The following PTPRR variants were observed in gnomAD, a reference collection of about 807,000 sequenced individuals.
PTPRR encodes the protein receptor-type tyrosine-protein phosphatase R.
In PTPRR, 38 loss-of-function variants were observed where a neutral mutation model predicts 77.2. That is an observed-to-expected ratio of 0.49 (90% CI 0.38 to 0.65). The LOEUF is 0.65. PTPRR is among the 30% of genes least tolerant of loss of function. The pLI is 0.00. For missense variants in PTPRR, 744 were observed against 799.2 expected (o/e 0.93, Z 0.83); for synonymous variants, 299 against 283.1 (o/e 1.06, Z -0.57).
intron 2 of PTPRR, among the ~76,000 whole-genome samples, chr12:70,814,514 C>A (rs891801944): frequency 1.3e-5 from 2 of 152,162 alleles, no homozygotes. Flanking sequence ...TGTTGTTTGG[C>A]AGTTGCCAAC....
At chr12:70,755,345 T>C (rs1890534914) in intron 4 of PTPRR, among the ~76,000 whole-genome samples, 1 of 152,164 alleles carries the variant, frequency 6.6e-6, no homozygotes. Context: ...AAACACGTCT[T>C]GTAGGTGTCT....
chr12:70,656,777 T>C lies in PTPRR; in HGVS notation c.1807A>G (p.Ile603Val), dbSNP rs1411262620. The stretch of plus-strand genomic sequence containing the variant: ...TCTTCTTTCAGCTGTTGACAGCCAA[T>C]GGATGTAGCAATAAAACACCCTGTT... ...GRTGCFIATS[I>V]GCQQLKEEGV... Residue 603 changes from isoleucine (I) to valine (V), a missense_variant, in exon 13 of 14, where the codon ATT becomes GTT. Transcript: ENST00000283228. 1.9e-6 allele frequency: 3 copies of C among 1,613,902 alleles called. No homozygotes were observed. The highest frequency in any genetic ancestry group is 2.5e-6 in the Non-Finnish European group (3 of 1,179,942).
intron 8 of PTPRR, among the ~76,000 whole-genome samples, chr12:70,693,822 T>G (rs1303790987): frequency 1.3e-5 from 2 of 152,318 alleles, no homozygotes; most frequent in East Asian, 3.9e-4. Context: ...ACTGTAAACT[T>G]CTCTATACAT....
chr12:70,727,896 T>G lies in PTPRR; in HGVS notation c.1007+17922A>C, dbSNP rs572209787. Among the ~76,000 whole-genome samples the G allele has an allele frequency of 2.3e-3, 346 of 152,310 alleles. 1 individual carries two copies. The highest frequency in any genetic ancestry group is 8.0e-3 in the African/African-American group (333 of 41,576). On this transcript the variant is annotated intron_variant, in intron 6 of 13. Transcript: ENST00000283228. ...TGTATCAGTGGTAATCAAACTCTTT[T>G]CAAAGCTGGGGGCTCTTGGTTAAGA...
chr12:70,794,967 G>A (rs1019595123), intron 2 of PTPRR, among the ~76,000 whole-genome samples: 3 of 151,792 alleles, frequency 2.0e-5, no homozygotes, highest in African/African-American at 7.3e-5. Context: ...AGAGATTCAG[G>A]GTGGGACAGT....
chr12:70,717,950 G>A lies in PTPRR; in HGVS notation c.1008-16627C>T, dbSNP rs184657646. 5.3e-5 allele frequency among the ~76,000 whole-genome samples: 8 copies of A among 152,132 alleles called. No individual in the cohort carries two copies. In the East Asian group the frequency reaches 1.4e-3, roughly 26 times the overall value. ...ATTATCATATAAAACCTGATAATTG[G>A]TCAGTAATTTTCCTGTAATAATGCT... On this transcript the variant is annotated intron_variant, in intron 6 of 13. Transcript: ENST00000283228.
At chr12:70,808,972 G>T (rs934125384) in intron 2 of PTPRR, among the ~76,000 whole-genome samples, 1 of 152,028 alleles carries the variant, frequency 6.6e-6, no homozygotes, top group Non-Finnish European at 1.5e-5. Flanking sequence ...TGATTTAGTT[G>T]TTCTATGTGG....
intron 1 of PTPRR, among the ~76,000 whole-genome samples, chr12:70,918,463 A>G (rs1893806332): frequency 6.6e-6 from 1 of 152,190 alleles, no homozygotes; most frequent in Non-Finnish European, 1.5e-5. Flanking sequence ...AAAAAGTTGA[A>G]GTAGAGATGG....
chr12:70,781,385 G>A (rs180702276), intron 2 of PTPRR, among the ~76,000 whole-genome samples: 2 of 152,316 alleles, frequency 1.3e-5, no homozygotes, highest in Admixed American at 1.3e-4. Context: ...ACTGCTGGAG[G>A]TTAAGAAAAA....
intron 2 of PTPRR, among the ~76,000 whole-genome samples, chr12:70,782,739 T>C (rs1891231194): frequency 6.6e-6 from 1 of 151,924 alleles, no homozygotes; most frequent in Non-Finnish European, 1.5e-5. Flanking sequence ...CTAATGTAAA[T>C]GACGAGTTAA....
intron 2 of PTPRR, among the ~76,000 whole-genome samples, chr12:70,786,192 A>T (rs1341191917): frequency 2.0e-5 from 3 of 152,228 alleles, no homozygotes; most frequent in East Asian, 3.9e-4. Flanking sequence ...TAATCATCAC[A>T]GCCCTGACCT....
intron 1 of PTPRR, among the ~76,000 whole-genome samples, chr12:70,913,144 C>T (rs1033659460): frequency 3.3e-5 from 5 of 152,084 alleles, no homozygotes; most frequent in South Asian, 2.1e-4. Context: ...TCACATAAAG[C>T]GATTTTTAAA....
chr12:70,909,047 C>T (rs1291568807), intron 1 of PTPRR, among the ~76,000 whole-genome samples: 2 of 152,066 alleles, frequency 1.3e-5, no homozygotes, highest in African/African-American at 4.8e-5. Context: ...AACATAGTTC[C>T]CAAGTGTAAA....
chr12:70,700,004 GA>G (rs935794675), intron 7 of PTPRR, among the ~76,000 whole-genome samples: 4 of 151,072 alleles, frequency 2.6e-5, no homozygotes, highest in African/African-American at 9.7e-5. Flanking sequence ...TGCAGTTCTA[GA>G]AAAAAAAAGC....
At chr12:70,838,188 A>G (rs1171082863) in intron 2 of PTPRR, among the ~76,000 whole-genome samples, 2 of 152,144 alleles carry the variant, frequency 1.3e-5, no homozygotes, top group African/African-American at 4.8e-5. Context: ...AATGCCACAA[A>G]GCATCTTAAG....
At chr12:70,689,961 T>C (rs974531874) in intron 8 of PTPRR, among the ~76,000 whole-genome samples, 1 of 152,204 alleles carries the variant, frequency 6.6e-6, no homozygotes, top group Admixed American at 6.5e-5. Flanking sequence ...GTTGCGGCCA[T>C]GTGACTAAGT....
chr12:70,810,548 T>G (rs548019751), intron 2 of PTPRR, among the ~76,000 whole-genome samples: 1 of 152,246 alleles, frequency 6.6e-6, no homozygotes, highest in South Asian at 2.1e-4. Flanking sequence ...AAAGATCACT[T>G]TCTTGAATAC....
intron 1 of PTPRR, among the ~76,000 whole-genome samples, chr12:70,910,311 G>A (rs1311445362): frequency 6.6e-6 from 1 of 151,978 alleles, no homozygotes; most frequent in Non-Finnish European, 1.5e-5. Context: ...GAGCCCAAAT[G>A]TTTTTTTGTT....
At chr12:70,798,834 G>A (rs1430884463) in intron 2 of PTPRR, among the ~76,000 whole-genome samples, 1 of 136,214 alleles carries the variant, frequency 7.3e-6, no homozygotes, top group African/African-American at 2.8e-5. Context: ...CCCCATTTGT[G>A]TGGGCTTATT....
Sources: gnomAD v4.1 joint callset for allele counts (sites outside exome capture counted in the v4.1 genomes callset) on GRCh38, gnomAD v4.1.1 for gene constraint, MANE v1.5 for transcripts, NCBI Gene and HGNC (gene_info 2026-07-23, HGNC 2026-07-21) for gene names.